The following COL10A1 variants were observed in gnomAD, a reference collection of about 807,000 sequenced individuals.
COL10A1 encodes the protein collagen alpha-1(X) chain.
A neutral mutation model predicts 18.2 loss-of-function variants in COL10A1; 10 were observed. That is an observed-to-expected ratio of 0.55 (90% confidence interval 0.34 to 0.93). The LOEUF (loss-of-function observed/expected upper bound fraction) is 0.93, where lower values mean the gene tolerates loss of function less well. Ranked by LOEUF, COL10A1 falls within the 40% of genes least tolerant of loss-of-function variation. COL10A1 has a pLI of 0.02. For synonymous variants in COL10A1, 330 were observed against 316.6 expected (o/e 1.04, Z -0.45); for missense variants, 897 against 853.5 (o/e 1.05, Z -0.64).
intron 1 of COL10A1, chr6:116,125,836 T>A: frequency 4.7e-6 from 1 of 211,598 alleles, no homozygotes; most frequent in Non-Finnish European, 9.6e-6. Flanking sequence ...CAAAATACAC[T>A]GAAATTCGGA....
chr6:116,209,883 G>A, the COL10A1 span, among the ~76,000 whole-genome samples: 18 of 152,062 alleles, frequency 1.2e-4, no homozygotes, highest in Admixed American at 9.8e-4. Flanking sequence ...CTGAACGCAA[G>A]TTATTTTTCT....
the COL10A1 span, among the ~76,000 whole-genome samples, chr6:116,205,533 A>G: frequency 4.6e-5 from 7 of 151,950 alleles, no homozygotes; most frequent in Non-Finnish European, 8.8e-5. Flanking sequence ...ACACAGATAT[A>G]CAGAGCATCT....
chr6:116,166,337 C>T, the COL10A1 span, among the ~76,000 whole-genome samples: 3 of 152,274 alleles, frequency 2.0e-5, no homozygotes, highest in Middle Eastern at 6.8e-3. Flanking sequence ...GTCAGCCATC[C>T]AGATTCCTCC....
Position 116,120,741 on chromosome 6 carries a change from T to C in COL10A1, c.1375A>G (p.Ile459Val). Reference sequence around the variant, plus strand: ...CCTTTAGACCCAGGGAATCCTGGAATGCCTGGTGGCCCAATAGGGCCTCTA... The same window carrying C: ...CCTTTAGACCCAGGGAATCCTGGAACGCCTGGTGGCCCAATAGGGCCTCTA... The part of the protein sequence containing the change: ...GTRGPIGPPG[I>V]PGFPGSKGDP... The change falls in exon 3 of 3, where the codon ATT becomes GTT. Residue 459 changes from isoleucine (I) to valine (V), a missense_variant. By Grantham distance (29) the Ile-to-Val change is conservative. Coordinates refer to ENST00000651968, the MANE Select transcript of COL10A1 (RefSeq NM_000493.4). 6.3e-7 allele frequency: 1 copy of C among 1,593,772 alleles called. No individual in the cohort carries two copies. The highest frequency in any genetic ancestry group is 8.5e-7 in the Non-Finnish European group (1 of 1,172,102).
chr6:116,146,194 T>A (rs1488397047), intron 1 of COL10A1, among the ~76,000 whole-genome samples: 1 of 152,196 alleles, frequency 6.6e-6, no homozygotes. Context: ...TCCCTGGGGA[T>A]ATGATAAAGG....
chr6:116,144,243 C>T (rs1440139291), intron 1 of COL10A1, among the ~76,000 whole-genome samples: 1 of 152,166 alleles, frequency 6.6e-6, no homozygotes, highest in Non-Finnish European at 1.5e-5. Flanking sequence ...GTGGCTCACG[C>T]CTGTATCCCA....
At chr6:116,187,052 G>T in the COL10A1 span, among the ~76,000 whole-genome samples, 1 of 151,982 alleles carries the variant, frequency 6.6e-6, no homozygotes, top group African/African-American at 2.4e-5. Context: ...TGTCCCACAG[G>T]GTGCTCCCTT....
At chr6:116,174,686 G>C in the COL10A1 span, among the ~76,000 whole-genome samples, 1 of 151,990 alleles carries the variant, frequency 6.6e-6, no homozygotes, top group African/African-American at 2.4e-5. Context: ...TTTTATACAG[G>C]TACTTGTTTT....
chr6:116,189,181 C>T, the COL10A1 span, among the ~76,000 whole-genome samples: 1 of 151,588 alleles, frequency 6.6e-6, no homozygotes, highest in South Asian at 2.1e-4. Flanking sequence ...GTTGACCACT[C>T]TTGAGAAATT....
chr6:116,138,942 A>T (rs1371355479), intron 1 of COL10A1, among the ~76,000 whole-genome samples: 2 of 152,258 alleles, frequency 1.3e-5, no homozygotes, highest in East Asian at 3.9e-4. Flanking sequence ...TTATAATTGC[A>T]TTATTAGTTT....
chr6:116,135,319 A>G (rs1006458089), intron 1 of COL10A1, among the ~76,000 whole-genome samples: 2 of 152,120 alleles, frequency 1.3e-5, no homozygotes, highest in African/African-American at 4.8e-5. Context: ...CATCAATATC[A>G]TTAAAATACG....
the COL10A1 span, among the ~76,000 whole-genome samples, chr6:116,185,559 G>A: frequency 2.0e-5 from 3 of 152,072 alleles, no homozygotes; most frequent in Admixed American, 6.6e-5. Flanking sequence ...TGTTGGGTGC[G>A]TATATAGTTA....
chr6:116,155,004 G>T (rs1420531842), intron 1 of COL10A1, among the ~76,000 whole-genome samples: 1 of 152,126 alleles, frequency 6.6e-6, no homozygotes, highest in Admixed American at 6.6e-5. Context: ...CCCTGTGCTG[G>T]TTTGAAATGA....
the COL10A1 span, among the ~76,000 whole-genome samples, chr6:116,188,228 T>A: frequency 3.6e-4 from 55 of 152,084 alleles, no homozygotes; most frequent in Non-Finnish European, 7.1e-4. Flanking sequence ...AAGAGAACCC[T>A]TAAACTGCTG....
chr6:116,146,983 T>C (rs1406884242), intron 1 of COL10A1, among the ~76,000 whole-genome samples: 1 of 124,038 alleles, frequency 8.1e-6, no homozygotes, highest in Non-Finnish European at 1.6e-5. Context: ...ATTTTATATA[T>C]GTATAAAATA....
intron 1 of COL10A1, among the ~76,000 whole-genome samples, chr6:116,144,610 T>C (rs1289590540): frequency 6.6e-6 from 1 of 152,228 alleles, no homozygotes. Context: ...TATTTGGGTG[T>C]ATTTAAATTA....
At chr6:116,150,411 A>G (rs984979801) in intron 1 of COL10A1, among the ~76,000 whole-genome samples, 10 of 152,162 alleles carry the variant, frequency 6.6e-5, no homozygotes, top group African/African-American at 2.4e-4. Flanking sequence ...CAACCTCCCA[A>G]GTAGCTGGGG....
chr6:116,165,265 G>C, the COL10A1 span, among the ~76,000 whole-genome samples: 48 of 152,180 alleles, frequency 3.2e-4, no homozygotes, highest in East Asian at 7.7e-3. Flanking sequence ...TGGCGTTTAA[G>C]ATTTTTTCTT....
At chr6:116,147,161 C>A (rs1779919521) in intron 1 of COL10A1, among the ~76,000 whole-genome samples, 1 of 151,484 alleles carries the variant, frequency 6.6e-6, no homozygotes, top group Admixed American at 6.6e-5. Context: ...CAAACTGGGA[C>A]CAGGCATGGT....
Sources: gnomAD v4.1 joint callset for allele counts (sites outside exome capture counted in the v4.1 genomes callset) on GRCh38, gnomAD v4.1.1 for gene constraint, MANE v1.5 for transcripts, NCBI Gene and HGNC (gene_info 2026-07-23, HGNC 2026-07-21) for gene names.